EXOC4: variants seen among roughly 807,000 people sequenced by gnomAD.
EXOC4 encodes the protein SEC8-like 1.
EXOC4 carries 71 observed loss-of-function variants against 107.2 expected under a neutral mutation model. The ratio of observed to expected loss-of-function variants is 0.66; its 90% CI spans 0.55 to 0.81. EXOC4 has a LOEUF of 0.81. EXOC4 is among the 30% of genes least tolerant of loss of function. The probability of loss-of-function intolerance (pLI) is 0.00; values close to 1 mark genes in which losing one functional copy is unlikely to be tolerated. For synonymous variants in EXOC4, 456 were observed against 441.2 expected (o/e 1.03, Z -0.42); for missense variants, 1,108 against 1,189.6 (o/e 0.93, Z 1.01).
chr7:133,706,698 A>C (rs1300065698), intron 10 of EXOC4, among the ~76,000 whole-genome samples: 1 of 152,236 alleles, frequency 6.6e-6, no homozygotes, highest in African/African-American at 2.4e-5. Context: ...TTAGAAACCC[A>C]GTGTGTGTTT....
intron 10 of EXOC4, among the ~76,000 whole-genome samples, chr7:133,747,212 G>T (rs1040324768): frequency 1.3e-5 from 2 of 152,084 alleles, no homozygotes; most frequent in African/African-American, 4.8e-5. Context: ...CTCCAAGTTG[G>T]TAGTATCTTC....
intron 10 of EXOC4, among the ~76,000 whole-genome samples, chr7:133,708,860 A>T (rs1011423594): frequency 3.9e-5 from 6 of 152,200 alleles, no homozygotes; most frequent in Admixed American, 3.9e-4. Context: ...AGTTGGTCTG[A>T]CCCCATGGAT....
chr7:133,786,612 C>T (rs2551027), intron 10 of EXOC4, among the ~76,000 whole-genome samples: 150,330 of 152,346 alleles, frequency 0.99, 74,212 homozygotes, highest in Middle Eastern at 1. Flanking sequence ...AAGTTTGGAA[C>T]TCCAGATCAA....
chr7:133,499,997 A>AG (rs1176732646), intron 9 of EXOC4, among the ~76,000 whole-genome samples: 1 of 152,040 alleles, frequency 6.6e-6, no homozygotes, highest in Non-Finnish European at 1.5e-5. Flanking sequence ...ATTATAGCTA[A>AG]GGAAAAAAAA....
intron 7 of EXOC4, among the ~76,000 whole-genome samples, chr7:133,457,903 G>A (rs1012682818): frequency 6.6e-6 from 1 of 152,124 alleles, no homozygotes; most frequent in African/African-American, 2.4e-5. Flanking sequence ...TGCTAACAAT[G>A]TATGCTTTTC....
At chr7:133,870,327 T>C (rs1798726133) in intron 11 of EXOC4, among the ~76,000 whole-genome samples, 1 of 152,184 alleles carries the variant, frequency 6.6e-6, no homozygotes, top group African/African-American at 2.4e-5. Context: ...ATCCATTTAG[T>C]GGAAAATTCT....
intron 17 of EXOC4, among the ~76,000 whole-genome samples, chr7:134,040,079 T>TCAA (rs1404724014): frequency 8.5e-5 from 13 of 152,220 alleles, no homozygotes; most frequent in Admixed American, 3.3e-4. Flanking sequence ...ATAGACTTGT[T>TCAA]GACTCTTTCT....
At chr7:133,603,393 G>T (rs1486666738) in intron 9 of EXOC4, among the ~76,000 whole-genome samples, 3 of 152,152 alleles carry the variant, frequency 2.0e-5, no homozygotes, top group Admixed American at 6.5e-5. Flanking sequence ...AAAGATGGGG[G>T]TATCTTTTGA....
intron 6 of EXOC4, among the ~76,000 whole-genome samples, chr7:133,365,364 ATGATAC>A (rs1200552362): frequency 6.6e-6 from 1 of 152,208 alleles, no homozygotes; most frequent in Non-Finnish European, 1.5e-5. Flanking sequence ...TTTCAAAAGA[ATGATAC>A]TGATACTTTA....
At chr7:133,293,522 C>T (rs1794453019) in intron 3 of EXOC4, among the ~76,000 whole-genome samples, 1 of 152,174 alleles carries the variant, frequency 6.6e-6, no homozygotes, top group African/African-American at 2.4e-5. Context: ...GATGCAGATG[C>T]TTAGTAATTT....
chr7:133,451,121 C>T (rs756546544), intron 7 of EXOC4, among the ~76,000 whole-genome samples: 2 of 152,088 alleles, frequency 1.3e-5, no homozygotes, highest in Non-Finnish European at 2.9e-5. Flanking sequence ...ATTCAGTATA[C>T]GTGTTAACTC....
rs1797399102 is a variant in EXOC4 at position 133,817,470 on chromosome 7, A to G, written c.1660A>G (p.Thr554Ala). The G allele has an allele frequency of 1.9e-6, 3 of 1,614,138 alleles. No homozygotes were observed. The highest frequency in any genetic ancestry group is 1.3e-5 in the African/African-American group (1 of 75,044). Residue 554 changes from threonine (T) to alanine (A), a missense_variant, in exon 11 of 18, where the codon ACA (threonine) becomes GCA (alanine). Transcript: ENST00000253861. ...CAAGGAGATTGAAGGAGTCACTAAA[A>G]CATCTGACCCTTTGAAGATTCTGGC... ...INKEIEGVTK[T>A]SDPLKILANA... is the part of the protein sequence containing the mutation.
chr7:133,861,441 C>T (rs1341246282), intron 11 of EXOC4, among the ~76,000 whole-genome samples: 3 of 152,122 alleles, frequency 2.0e-5, no homozygotes, highest in Non-Finnish European at 4.4e-5. Context: ...AATTTAAAAA[C>T]AGAAACAAAA....
Position 133,846,355 on chromosome 7 carries a change from C to A in EXOC4, c.1734+28811C>A, listed in dbSNP as rs531759818. Among the ~76,000 whole-genome samples the A allele has an allele frequency of 6.6e-5, 10 of 152,286 alleles. No individual in the cohort carries two copies. In the East Asian group the frequency reaches 1.9e-3, roughly 29 times the overall value. On this transcript the variant is annotated intron_variant, in intron 11 of 17. Coordinates refer to ENST00000253861, the MANE Select transcript of EXOC4 (RefSeq NM_021807.4). ...AATCACAGGCCAACCTGAAGTTAAT[C>A]CAGTACCTTGTAACCACAGCCTTTT...
At chr7:133,447,286 T>C (rs562302046) in intron 7 of EXOC4, 1 of 152,254 alleles carries the variant, frequency 6.6e-6, no homozygotes, top group East Asian at 1.9e-4. Flanking sequence ...TCTGCTTGCT[T>C]TTTCCTAACT....
At chr7:133,860,604 A>T (rs1798513328) in intron 11 of EXOC4, among the ~76,000 whole-genome samples, 1 of 152,196 alleles carries the variant, frequency 6.6e-6, no homozygotes, top group Non-Finnish European at 1.5e-5. Flanking sequence ...ATTTTAGAGA[A>T]ATGTTGTTGA....
intron 9 of EXOC4, among the ~76,000 whole-genome samples, chr7:133,517,682 C>A (rs541014068): frequency 9.3e-6 from 1 of 107,674 alleles, no homozygotes; most frequent in Non-Finnish European, 2.0e-5. Flanking sequence ...GGGGAAGACC[C>A]GCCTCCATGA....
At position 133,824,822 on chromosome 7, in the gene EXOC4, C is replaced by G. The variant is rs540506426; in HGVS notation, c.1734+7278C>G. On this transcript the variant is annotated intron_variant, in intron 11 of 17. Coordinates refer to ENST00000253861, the MANE Select transcript of EXOC4 (RefSeq NM_021807.4). ...GTGTCTCCTATGTTTTCTTTTCTGG[C>G]TCTTGTAAGGATACTTTCATTGGAT... Among the ~76,000 whole-genome samples, 72 of 152,156 alleles carry G rather than the reference C, an allele frequency of 4.7e-4. 3 individuals carry two copies. In the South Asian group the frequency reaches 0.015, roughly 31 times the overall value.
At chr7:133,900,340 G>A (rs192854973) in intron 12 of EXOC4, among the ~76,000 whole-genome samples, 2 of 152,326 alleles carry the variant, frequency 1.3e-5, no homozygotes, top group East Asian at 3.9e-4. Flanking sequence ...AAGAAATTAC[G>A]AAGGAGGACA....
Sources: gnomAD v4.1 joint callset for allele counts (sites outside exome capture counted in the v4.1 genomes callset) on GRCh38, gnomAD v4.1.1 for gene constraint, MANE v1.5 for transcripts, NCBI Gene and HGNC (gene_info 2026-07-23, HGNC 2026-07-21) for gene names.